Variants in C5orf63 observed in about 807,000 individuals in gnomAD.
C5orf63 encodes glutaredoxin-like protein C5orf63.
A neutral mutation model predicts 13.3 loss-of-function variants in C5orf63; 18 were observed. The observed-to-expected ratio is 1.36, with a 90% CI of 0.94 to 2.01. C5orf63 has a LOEUF of 2.01. C5orf63 is among the 30% of genes most tolerant of loss of function. The pLI is 0.00. For synonymous variants in C5orf63, 38 were observed against 44.7 expected (o/e 0.85, Z 0.60); for missense variants, 118 against 127.7 (o/e 0.92, Z 0.36).
At chr5:127,048,145 C>T (rs936916624), downstream of C5orf63, among the ~76,000 whole-genome samples, 33 of 151,888 alleles carry the variant, frequency 2.2e-4, no homozygotes, top group Admixed American at 1.4e-3. Flanking sequence ...CCCCTCGGAA[C>T]CCAGTGTTTC....
At chr5:127,046,928 A>C (rs1753533097), downstream of C5orf63, 1 of 152,236 alleles carries the variant, frequency 6.6e-6, no homozygotes, top group Non-Finnish European at 1.5e-5. Context: ...CACTGTGAGA[A>C]GGGTGATGTT....
At chr5:127,068,475 T>G (rs745744347) in intron 2 of C5orf63, among the ~76,000 whole-genome samples, 14 of 152,156 alleles carry the variant, frequency 9.2e-5, no homozygotes, top group Non-Finnish European at 2.1e-4. Flanking sequence ...GCACTCATCT[T>G]GCAACTGTCT....
chr5:127,059,529 A>T (rs1411326341), intron 2 of C5orf63, among the ~76,000 whole-genome samples: 2 of 151,530 alleles, frequency 1.3e-5, no homozygotes, highest in Non-Finnish European at 2.9e-5. Flanking sequence ...GGAGTTCAAG[A>T]CCAGCCTGGG....
intron 1 of C5orf63, among the ~76,000 whole-genome samples, chr5:127,072,639 T>C (rs1000088402): frequency 7.1e-5 from 10 of 140,982 alleles, no homozygotes; most frequent in Non-Finnish European, 1.2e-4. Context: ...ATACTATGGA[T>C]TTTTTTTTTA....
chr5:127,055,722 A>C (rs1753857943), intron 3 of C5orf63, among the ~76,000 whole-genome samples: 1 of 152,206 alleles, frequency 6.6e-6, no homozygotes, highest in Non-Finnish European at 1.5e-5. Context: ...TCAACACAGG[A>C]TCTTAAAAGC....
At chr5:127,063,082 G>A (rs1282991802) in intron 2 of C5orf63, among the ~76,000 whole-genome samples, 6 of 151,904 alleles carry the variant, frequency 3.9e-5, no homozygotes, top group Non-Finnish European at 8.8e-5. Flanking sequence ...TAACAATAAA[G>A]ATGGTGACTC....
chr5:127,069,673 C>G (rs376737284), intron 2 of C5orf63, among the ~76,000 whole-genome samples: 27 of 152,310 alleles, frequency 1.8e-4, no homozygotes, highest in African/African-American at 6.5e-4. Flanking sequence ...TGTAGAAATA[C>G]AGTCTTCAAT....
At chr5:127,047,658 T>C (rs368922912), downstream of C5orf63, 82 of 699,150 alleles carry the variant, frequency 1.2e-4, no homozygotes, top group Non-Finnish European at 2.1e-4. Flanking sequence ...ATATATTTGG[T>C]GGATGAATTT....
downstream of C5orf63, chr5:127,043,721 T>TTATG (rs1344194876): frequency 1.3e-5 from 2 of 152,198 alleles, no homozygotes; most frequent in African/African-American, 4.8e-5. Flanking sequence ...TTTACCCAGA[T>TTATG]TATGCATCAA....
chr5:127,066,592 G>A (rs1754342693), intron 2 of C5orf63, among the ~76,000 whole-genome samples: 1 of 152,136 alleles, frequency 6.6e-6, no homozygotes, highest in Non-Finnish European at 1.5e-5. Context: ...GGCAAGAACA[G>A]ATTGAAGAAT....
At chr5:127,045,312 T>A (rs1400629670) in exon 5 of C5orf63, 2 of 152,228 alleles carry the variant, frequency 1.3e-5, no homozygotes, top group African/African-American at 4.8e-5. Context: ...CAGGGCTTGC[T>A]CCTTCGGGAG....
intron 2 of C5orf63, among the ~76,000 whole-genome samples, chr5:127,069,570 T>G (rs1754457380): frequency 6.6e-6 from 1 of 152,200 alleles, no homozygotes; most frequent in African/African-American, 2.4e-5. Flanking sequence ...GATGTTTCAT[T>G]CATTGCTTGC....
intron 3 of C5orf63, among the ~76,000 whole-genome samples, chr5:127,054,271 A>G (rs1753793678): frequency 6.6e-6 from 1 of 152,218 alleles, no homozygotes; most frequent in Non-Finnish European, 1.5e-5. Flanking sequence ...TCACTGGGTC[A>G]AATGGTATTT....
At chr5:127,048,654 T>C (rs905636948), downstream of C5orf63, among the ~76,000 whole-genome samples, 2 of 152,190 alleles carry the variant, frequency 1.3e-5, no homozygotes, top group African/African-American at 2.4e-5. Context: ...GTACTTTAGT[T>C]TGAGCATCCT....
intron 3 of C5orf63, among the ~76,000 whole-genome samples, chr5:127,055,619 T>C (rs2126886063): frequency 6.6e-6 from 1 of 152,172 alleles, no homozygotes; most frequent in East Asian, 1.9e-4. Flanking sequence ...TGGCTTATCA[T>C]GTTATTATTA....
chr5:127,073,010 TA>T (rs1754613095), intron 1 of C5orf63: 1 of 152,156 alleles, frequency 6.6e-6, no homozygotes. Flanking sequence ...TCACCCCAAT[TA>T]AAGGTCAACA....
chr5:127,056,091 G>GT (rs1172415012), intron 3 of C5orf63, among the ~76,000 whole-genome samples: 4 of 152,126 alleles, frequency 2.6e-5, no homozygotes, highest in Admixed American at 6.6e-5. Context: ...TGTAGCAAGC[G>GT]TGTTATAATA....
At chr5:127,069,561 A>T (rs1241968923) in intron 2 of C5orf63, among the ~76,000 whole-genome samples, 1 of 152,232 alleles carries the variant, frequency 6.6e-6, no homozygotes, top group African/African-American at 2.4e-5. Context: ...AACCTAAAAG[A>T]TGTTTCATTC....
At chr5:127,059,739 A>G (rs1045271354) in intron 2 of C5orf63, among the ~76,000 whole-genome samples, 1 of 146,810 alleles carries the variant, frequency 6.8e-6, no homozygotes, top group African/African-American at 2.7e-5. Context: ...AAAAAAAAAA[A>G]AAAAGAAAAA....
Sources: gnomAD v4.1 joint callset for allele counts (sites outside exome capture counted in the v4.1 genomes callset) on GRCh38, gnomAD v4.1.1 for gene constraint, MANE v1.5 for transcripts, NCBI Gene and HGNC (gene_info 2026-07-23, HGNC 2026-07-21) for gene names.